The following ASAP1 variants were observed in gnomAD, a reference collection of about 807,000 sequenced individuals.
The protein encoded by ASAP1 is arf-GAP with SH3 domain, ANK repeat and PH domain-containing protein 1.
In ASAP1, 43 loss-of-function variants were observed where a neutral mutation model predicts 145.2. The ratio of observed to expected loss-of-function variants is 0.30; its 90% CI spans 0.23 to 0.38. The LOEUF (loss-of-function observed/expected upper bound fraction) is 0.38. ASAP1 is among the 10% of genes least tolerant of loss of function. The pLI is 1.00. For synonymous variants in ASAP1, 546 were observed against 515.5 expected (o/e 1.06, Z -0.80); for missense variants, 1,018 against 1,355.3 (o/e 0.75, Z 3.91).
chr8:130,177,057 C>A (rs778759487), intron 9 of ASAP1, among the ~76,000 whole-genome samples: 2 of 152,212 alleles, frequency 1.3e-5, no homozygotes, highest in Non-Finnish European at 2.9e-5. Context: ...AATAATGGAT[C>A]TGACTTACTT....
At chr8:130,287,281 G>A (rs1328308629) in intron 3 of ASAP1, among the ~76,000 whole-genome samples, 1 of 152,208 alleles carries the variant, frequency 6.6e-6, no homozygotes, top group Non-Finnish European at 1.5e-5. Context: ...CAGCTTGATG[G>A]ATGGATGTTG....
chr8:130,369,178 GA>G (rs1402983952), intron 2 of ASAP1, among the ~76,000 whole-genome samples: 1 of 152,214 alleles, frequency 6.6e-6, no homozygotes, highest in Non-Finnish European at 1.5e-5. Context: ...CTTGGGACCA[GA>G]AGTGTTTCAG....
At chr8:130,425,495 C>T (rs181593989) in intron 1 of ASAP1, among the ~76,000 whole-genome samples, 45 of 151,852 alleles carry the variant, frequency 3.0e-4, no homozygotes, top group Admixed American at 9.2e-4. Flanking sequence ...CCAGCCTGGG[C>T]GACAGAGCAA....
At position 130,164,529 on chromosome 8, in the gene ASAP1, T is replaced by A. The variant is rs552379163; in HGVS notation, c.909+3007A>T. 2.6e-5 allele frequency among the ~76,000 whole-genome samples: 4 copies of A among 152,290 alleles called. No homozygotes were observed. In the South Asian group the frequency reaches 8.3e-4, roughly 32 times the overall value. ...TCACTTGAACCTGGGAGGCAGAGGC[T>A]GCAGTGAGCGAGATTTGTACCACTG... On this transcript the variant is annotated intron_variant, in intron 11 of 29. Coordinates refer to ENST00000518721, the MANE Select transcript of ASAP1 (RefSeq NM_018482.4).
At chr8:130,055,332 A>G (rs555032636) in intron 29 of ASAP1, among the ~76,000 whole-genome samples, 1 of 151,790 alleles carries the variant, frequency 6.6e-6, no homozygotes, top group Non-Finnish European at 1.5e-5. Context: ...AAAGGCTGCT[A>G]TGGCACCTGG....
intron 24 of ASAP1, among the ~76,000 whole-genome samples, chr8:130,103,225 A>C (rs904287861): frequency 6.6e-6 from 1 of 151,848 alleles, no homozygotes; most frequent in African/African-American, 2.4e-5. Context: ...AGTCTCCTAC[A>C]ATGACCTTTG....
intron 3 of ASAP1, among the ~76,000 whole-genome samples, chr8:130,301,563 T>C (rs1314558860): frequency 1.3e-5 from 2 of 152,226 alleles, no homozygotes; most frequent in African/African-American, 4.8e-5. Flanking sequence ...GGTGTTTTTT[T>C]CTTGCTCTAT....
At chr8:130,385,175 G>T (rs754658771) in intron 2 of ASAP1, among the ~76,000 whole-genome samples, 1 of 152,180 alleles carries the variant, frequency 6.6e-6, no homozygotes, top group Non-Finnish European at 1.5e-5. Context: ...ATTTAAAAGA[G>T]CCAAGGCAGG....
chr8:130,392,108 T>C (rs867318379), intron 2 of ASAP1, among the ~76,000 whole-genome samples: 2 of 152,236 alleles, frequency 1.3e-5, no homozygotes, highest in South Asian at 4.1e-4. Context: ...GTAACTTATA[T>C]ATCAACCTTG....
At chr8:130,119,503 C>T (rs1474925940) in intron 18 of ASAP1, among the ~76,000 whole-genome samples, 1 of 152,184 alleles carries the variant, frequency 6.6e-6, no homozygotes, top group African/African-American at 2.4e-5. Context: ...ACCTCCCAGC[C>T]ACAGGGGTGA....
At chr8:130,102,370 C>T (rs1411041611) in intron 24 of ASAP1, among the ~76,000 whole-genome samples, 1 of 152,036 alleles carries the variant, frequency 6.6e-6, no homozygotes, top group Non-Finnish European at 1.5e-5. Context: ...GGCTTTTGTC[C>T]TTCATTCTGT....
At chr8:130,115,828 G>C (rs2097554898) in intron 22 of ASAP1, 93 bp from the exon 23 acceptor site, 4 of 908,468 alleles carry the variant, frequency 4.4e-6, no homozygotes, top group Non-Finnish European at 7.2e-6. Flanking sequence ...CTTATTCCTA[G>C]TTTTCAATGA....
At chr8:130,091,543 G>A (rs1452858238) in intron 25 of ASAP1, among the ~76,000 whole-genome samples, 1 of 152,188 alleles carries the variant, frequency 6.6e-6, no homozygotes, top group Non-Finnish European at 1.5e-5. Context: ...TAGGGAGCTT[G>A]CATTTATCTG....
At chr8:130,249,182 C>T (rs778888224) in intron 3 of ASAP1, among the ~76,000 whole-genome samples, 23 of 152,134 alleles carry the variant, frequency 1.5e-4, no homozygotes, top group South Asian at 6.2e-4. Context: ...ATCCATCTTC[C>T]GCACCATTGC....
chr8:130,124,380 T>G (rs142676425), intron 17 of ASAP1, among the ~76,000 whole-genome samples: 395 of 152,358 alleles, frequency 2.6e-3, no homozygotes, highest in African/African-American at 9.3e-3. Flanking sequence ...ATCAATCATG[T>G]CTACAAATAT....
chr8:130,395,610 G>A (rs1828490474), intron 2 of ASAP1, among the ~76,000 whole-genome samples: 1 of 152,188 alleles, frequency 6.6e-6, no homozygotes, highest in African/African-American at 2.4e-5. Flanking sequence ...TTCAGAGGAA[G>A]CACGACACTG....
At chr8:130,246,672 C>A (rs1425482984) in intron 3 of ASAP1, among the ~76,000 whole-genome samples, 1 of 152,144 alleles carries the variant, frequency 6.6e-6, no homozygotes, top group Non-Finnish European at 1.5e-5. Context: ...TATAAATTAC[C>A]CAATATCAGG....
At chr8:130,296,248 CAG>C (rs1294402751) in intron 3 of ASAP1, among the ~76,000 whole-genome samples, 3 of 152,296 alleles carry the variant, frequency 2.0e-5, no homozygotes, top group South Asian at 4.1e-4. Flanking sequence ...TCTTGCTAAA[CAG>C]AGGTTTACCT....
intron 11 of ASAP1, among the ~76,000 whole-genome samples, chr8:130,163,897 T>C (rs1340160787): frequency 1.3e-5 from 2 of 152,230 alleles, no homozygotes; most frequent in African/African-American, 2.4e-5. Context: ...GAAAATCTTA[T>C]TAATGTATAA....
Sources: gnomAD v4.1 joint callset for allele counts (sites outside exome capture counted in the v4.1 genomes callset) on GRCh38, gnomAD v4.1.1 for gene constraint, MANE v1.5 for transcripts, NCBI Gene and HGNC (gene_info 2026-07-23, HGNC 2026-07-21) for gene names.